The following NRG3 variants were observed in gnomAD, a reference collection of about 807,000 sequenced individuals.
NRG3 encodes pro-neuregulin-3, membrane-bound isoform.
NRG3 carries 31 observed loss-of-function variants against 66.9 expected under a neutral mutation model. The ratio of observed to expected loss-of-function variants is 0.46; its 90% CI spans 0.35 to 0.63. NRG3 has a LOEUF of 0.63. Ranked by LOEUF, NRG3 falls within the 20% of genes least tolerant of loss-of-function variation. NRG3 has a pLI of 0.00. For synonymous variants in NRG3, 393 were observed against 359.4 expected (o/e 1.09, Z -1.06); for missense variants, 910 against 878.9 (o/e 1.04, Z -0.45).
intron 2 of NRG3, among the ~76,000 whole-genome samples, chr10:82,415,378 T>C (rs1027482471): frequency 6.6e-6 from 1 of 152,196 alleles, no homozygotes; most frequent in Non-Finnish European, 1.5e-5. Context: ...AGCATTACGA[T>C]GTAAGTGCTT....
chr10:82,246,836 G>A (rs1278768184), intron 1 of NRG3, among the ~76,000 whole-genome samples: 2 of 152,128 alleles, frequency 1.3e-5, no homozygotes, highest in Non-Finnish European at 2.9e-5. Context: ...CACCTGCTAT[G>A]TGAATGGCCT....
intron 1 of NRG3, among the ~76,000 whole-genome samples, chr10:82,124,841 A>T (rs1391525759): frequency 6.6e-6 from 1 of 151,988 alleles, no homozygotes; most frequent in Non-Finnish European, 1.5e-5. Flanking sequence ...TTCATCACAG[A>T]CTATTTACTT....
chr10:82,695,146 A>G (rs2055270726), intron 2 of NRG3, among the ~76,000 whole-genome samples: 1 of 152,078 alleles, frequency 6.6e-6, no homozygotes, highest in South Asian at 2.1e-4. Flanking sequence ...TAACTTCCAA[A>G]TTTTCTGCAG....
chr10:82,002,992 G>A (rs2061233712), intron 1 of NRG3, among the ~76,000 whole-genome samples: 1 of 152,174 alleles, frequency 6.6e-6, no homozygotes, highest in Admixed American at 6.6e-5. Flanking sequence ...ATGGTAAGGG[G>A]TGTTGAGGAG....
At position 82,390,500 on chromosome 10, in the gene NRG3, G is replaced by A. The variant is rs149099581; in HGVS notation, c.953+31632G>A. ...TTAGGGAAAATTCTCTTTAAATAGG[G>A]GGACCTACTTATGCATCTGATTTGC... On this transcript the variant is annotated intron_variant, in intron 2 of 8. Coordinates refer to ENST00000372141, the MANE Select transcript of NRG3 (RefSeq NM_001010848.4). 4.7e-3 allele frequency among the ~76,000 whole-genome samples: 720 copies of A among 152,006 alleles called. 2 individuals carry two copies. Among genetic ancestry groups the A allele is most frequent in the Middle Eastern group, 0.037 (11 of 294 alleles).
chr10:82,299,485 G>A (rs1189573839), intron 1 of NRG3, among the ~76,000 whole-genome samples: 9 of 151,834 alleles, frequency 5.9e-5, no homozygotes, highest in Non-Finnish European at 1.3e-4. Context: ...AAATCCACGA[G>A]CCATAGCGAA....
At chr10:82,413,726 C>T (rs565671003) in intron 2 of NRG3, among the ~76,000 whole-genome samples, 1 of 152,278 alleles carries the variant, frequency 6.6e-6, no homozygotes, top group African/African-American at 2.4e-5. Context: ...GCTAGATCTT[C>T]TTGATTACTT....
chr10:82,604,533 C>T (rs1175005406), intron 2 of NRG3, among the ~76,000 whole-genome samples: 2 of 152,112 alleles, frequency 1.3e-5, no homozygotes, highest in East Asian at 1.9e-4. Context: ...ATTTCAAACT[C>T]ATGTTTGTAA....
intron 2 of NRG3, among the ~76,000 whole-genome samples, chr10:82,593,308 C>G (rs915194810): frequency 5.3e-5 from 8 of 152,244 alleles, no homozygotes; most frequent in Non-Finnish European, 2.9e-5. Context: ...CTGAACAGGT[C>G]ACTGTTGGTC....
intron 1 of NRG3, among the ~76,000 whole-genome samples, chr10:82,283,647 T>G (rs571033993): frequency 2.0e-5 from 3 of 152,208 alleles, no homozygotes; most frequent in South Asian, 2.1e-4. Flanking sequence ...ATAATTATAC[T>G]AAATATACTG....
intron 1 of NRG3, among the ~76,000 whole-genome samples, chr10:82,316,355 T>G (rs1351553604): frequency 6.6e-6 from 1 of 152,188 alleles, no homozygotes; most frequent in Non-Finnish European, 1.5e-5. Context: ...ACAATTTGTT[T>G]TGTCCCCCAG....
intron 2 of NRG3, among the ~76,000 whole-genome samples, chr10:82,712,506 C>T (rs186579630): frequency 1.4e-4 from 21 of 152,314 alleles, no homozygotes; most frequent in Admixed American, 1.2e-3. Flanking sequence ...CCATGGCCAA[C>T]GCTTCCGAAG....
chr10:82,350,746 G>C (rs1167979604), intron 1 of NRG3, among the ~76,000 whole-genome samples: 1 of 152,198 alleles, frequency 6.6e-6, no homozygotes, highest in Non-Finnish European at 1.5e-5. Flanking sequence ...AGGAAGTGCA[G>C]TCCCAGGGAG....
intron 4 of NRG3, among the ~76,000 whole-genome samples, chr10:82,866,393 C>T (rs942330503): frequency 2.0e-5 from 3 of 152,142 alleles, no homozygotes; most frequent in Non-Finnish European, 4.4e-5. Context: ...ATAGCTTTGA[C>T]ATATTTGAGA....
intron 1 of NRG3, among the ~76,000 whole-genome samples, chr10:82,021,046 G>A (rs2062035581): frequency 6.6e-6 from 1 of 152,050 alleles, no homozygotes. Context: ...TGGTTCCTAA[G>A]AATATTGTGA....
intron 1 of NRG3, among the ~76,000 whole-genome samples, chr10:82,006,498 TTTTCTG>T (rs1336224366): frequency 1.3e-4 from 20 of 152,158 alleles, no homozygotes; most frequent in African/African-American, 3.9e-4. Flanking sequence ...TGCTTTTTTC[TTTTCTG>T]TTTCTATCTT....
In NRG3 at chr10:82,561,667, G is replaced by T. The variant is rs531566888; in HGVS notation, c.954-176910G>T. Among the ~76,000 whole-genome samples, 5 of 152,206 alleles carry T rather than the reference G, an allele frequency of 3.3e-5. No individual in the cohort carries two copies. The East Asian group carries it at 7.7e-4, about 24-fold the overall frequency. ...TTCCCAACACTCCCATCCTTAAAAT[G>T]GATCCTAACCCTTGAATTTCAAGAA... is the stretch of plus-strand genomic sequence containing the variant. On this transcript the variant is annotated intron_variant, in intron 2 of 8. Transcript: ENST00000372141.
chr10:82,401,107 C>A (rs1339565355), intron 2 of NRG3, among the ~76,000 whole-genome samples: 1 of 152,052 alleles, frequency 6.6e-6, no homozygotes, highest in Non-Finnish European at 1.5e-5. Context: ...TCCTGGAATG[C>A]AGAATATCTA....
chr10:82,869,503 G>C (rs1196052223), intron 4 of NRG3, among the ~76,000 whole-genome samples: 1 of 151,828 alleles, frequency 6.6e-6, no homozygotes, highest in Admixed American at 6.5e-5. Flanking sequence ...TAGGTTTACT[G>C]CCCTAAAAAT....
Sources: allele counts gnomAD v4.1 joint callset (sites outside exome capture counted in the v4.1 genomes callset), GRCh38; gene constraint gnomAD v4.1.1; transcripts MANE v1.5; gene names NCBI Gene and HGNC (gene_info 2026-07-23, HGNC 2026-07-21).